The following SI variants were observed in gnomAD, a reference collection of about 807,000 sequenced individuals.
The protein encoded by SI is sucrase-isomaltase, intestinal.
Under a neutral mutation model 253.3 loss-of-function variants are expected in SI, and 235 were observed. The ratio of observed to expected loss-of-function variants is 0.93; its 90% confidence interval spans 0.83 to 1.03. The LOEUF (loss-of-function observed/expected upper bound fraction) is 1.03, where lower values mean the gene tolerates loss of function less well. SI is among the 50% of genes least tolerant of loss of function. The pLI, the probability that SI is intolerant of heterozygous loss-of-function variation, is 0.00. For missense variants in SI, 2,442 were observed against 2,211.1 expected (o/e 1.10, Z -2.09); for synonymous variants, 819 against 712.0 (o/e 1.15, Z -2.39).
At chr3:164,997,405 G>T (rs1576875016) in intron 38 of SI, among the ~76,000 whole-genome samples, 1 of 149,126 alleles carries the variant, frequency 6.7e-6, no homozygotes, top group African/African-American at 2.5e-5. Context: ...TTCTACTATT[G>T]TCACAAATTT....
rs1274683613 is a variant in SI at position 164,979,410 on chromosome 3, G to A, written c.5436C>T (p.Thr1812=). Residue 1812 remains threonine (T), a synonymous_variant, in exon 48 of 48, where the codon ACC becomes ACT. Transcript: ENST00000264382. ...TTNMILRIDL[T]THNVTLEEPI... is the part of the protein sequence containing the mutation. ...GTTCTTCTAGAGTAACATTGTGTGT[G>A]GTCAGATCAATACGTAATATCTAAA... 6.4e-7 allele frequency: 1 copy of A among 1,564,456 alleles called. No homozygotes were observed. Among genetic ancestry groups the A allele is most frequent in the African/African-American group, 1.4e-5 (1 of 73,782 alleles).
At chr3:165,016,329 G>A (rs116686409) in intron 31 of SI, among the ~76,000 whole-genome samples, 1,740 of 151,918 alleles carry the variant, frequency 0.011, 24 homozygotes, top group Middle Eastern at 0.031. Context: ...TTGATTTAGA[G>A]GTAAAAACTG....
intron 5 of SI, among the ~76,000 whole-genome samples, chr3:165,068,373 C>A (rs1000217626): frequency 1.3e-5 from 2 of 152,228 alleles, no homozygotes; most frequent in African/African-American, 4.8e-5. Context: ...TTAATTAATT[C>A]TTTGCCTTGG....
At chr3:165,060,088 C>A in intron 9 of SI, 61 bp from the exon 10 acceptor site, 3 of 1,457,940 alleles carry the variant, frequency 2.1e-6, no homozygotes, top group Admixed American at 1.7e-5. Context: ...GCATTAATAA[C>A]CAAGGTTAAT....
At chr3:165,083,517 G>A in the SI span, among the ~76,000 whole-genome samples, 7 of 151,874 alleles carry the variant, frequency 4.6e-5, no homozygotes, top group Non-Finnish European at 7.4e-5. Flanking sequence ...ACCCTAGATC[G>A]TTCACCTTCT....
intron 9 of SI, among the ~76,000 whole-genome samples, chr3:165,060,708 G>A (rs912265102): frequency 6.7e-6 from 1 of 149,744 alleles, no homozygotes; most frequent in South Asian, 2.1e-4. Context: ...TTTGCACATG[G>A]AAATTTGGAT....
intron 33 of SI, 96 bp from the exon 34 acceptor site, chr3:165,013,138 T>G (rs1428243410): frequency 1.3e-5 from 11 of 815,914 alleles, no homozygotes; most frequent in Non-Finnish European, 2.2e-5. Context: ...AGAGGCTTAT[T>G]ATTAACTCAA....
chr3:165,080,120 CA>C (rs1235307009), upstream of SI, among the ~76,000 whole-genome samples: 1 of 151,960 alleles, frequency 6.6e-6, no homozygotes, highest in Admixed American at 6.6e-5. Context: ...GCAAACTACT[CA>C]GCAATGAAAA....
chr3:165,028,650 C>G (rs1712054436), intron 25 of SI, among the ~76,000 whole-genome samples: 1 of 150,790 alleles, frequency 6.6e-6, no homozygotes, highest in Non-Finnish European at 1.5e-5. Flanking sequence ...TTAGAGCCAC[C>G]TGATCTTCGA....
Position 164,983,278 on chromosome 3 carries a change from G to A in SI, c.5198-227C>T, listed in dbSNP as rs150731201. Among the ~76,000 whole-genome samples the A allele has an allele frequency of 5.5e-3, 831 of 152,252 alleles. 8 individuals carry two copies. Among genetic ancestry groups the A allele is most frequent in the African/African-American group, 0.019 (769 of 41,550 alleles). On this transcript the variant is annotated intron_variant, in intron 45 of 47. Transcript: ENST00000264382. ...GTCCTAAGAGGACAAGCTAGGTGGTGTATGTGTGTGTAGGGGTAATGATAA... is the reference window on the plus strand; with the variant it reads ...GTCCTAAGAGGACAAGCTAGGTGGTATATGTGTGTGTAGGGGTAATGATAA...
intron 22 of SI, 75 bp downstream of exon 22, chr3:165,036,314 T>G: frequency 1.1e-6 from 1 of 949,944 alleles, no homozygotes; most frequent in South Asian, 1.3e-5. Context: ...TAAAAAATGA[T>G]ACAACCTATA....
chr3:165,033,422 G>A lies in SI; in HGVS notation c.2538C>T (p.Tyr846=). 6.4e-7 allele frequency: 1 copy of A among 1,551,070 alleles called. No individual in the cohort carries two copies. The highest frequency in any genetic ancestry group is 8.7e-7 in the Non-Finnish European group (1 of 1,145,202). Reference sequence around the variant, plus strand: ...TAGAAACTGAAAATGTATATAATATGTAGTTGCCATTTTGTATTGTATCTG... The same window carrying A: ...TAGAAACTGAAAATGTATATAATATATAGTTGCCATTTTGTATTGTATCTG... The part of the protein sequence containing the change: ...ETKDTIQNGN[Y]ILYTFSVSNN... Residue 846 remains tyrosine (Y), a synonymous_variant, in exon 23 of 48, where the codon TAC becomes TAT. Transcript: ENST00000264382.
At chr3:165,032,995 C>A (rs1712331754) in intron 23 of SI, among the ~76,000 whole-genome samples, 2 of 151,324 alleles carry the variant, frequency 1.3e-5, no homozygotes, top group Non-Finnish European at 3.0e-5. Flanking sequence ...TATGAAAAAA[C>A]CCAAAATCTA....
At chr3:164,979,716 T>C (rs2108103789) in intron 47 of SI, among the ~76,000 whole-genome samples, 1 of 151,968 alleles carries the variant, frequency 6.6e-6, no homozygotes, top group South Asian at 2.1e-4. Context: ...TCTATGACTT[T>C]ACTCTTTTCA....
chr3:165,007,879 A>T, intron 36 of SI, 32 bp downstream of exon 36: 1 of 1,049,354 alleles, frequency 9.5e-7, no homozygotes. Flanking sequence ...TAATAACATG[A>T]TAATATCAAA....
At chr3:165,041,860 T>G (rs1238226151) in intron 17 of SI, among the ~76,000 whole-genome samples, 1 of 152,080 alleles carries the variant, frequency 6.6e-6, no homozygotes, top group Admixed American at 6.6e-5. Context: ...CTCCCAGCCT[T>G]GAATGAGCAT....
chr3:165,014,026 C>T (rs1038751244), intron 33 of SI, among the ~76,000 whole-genome samples: 1 of 152,118 alleles, frequency 6.6e-6, no homozygotes, highest in African/African-American at 2.4e-5. Context: ...TGTGCCCAGC[C>T]CTGTCTATAT....
intron 18 of SI, 136 bp from the exon 19 acceptor site, chr3:165,040,107 C>A: frequency 1.4e-6 from 1 of 721,944 alleles, no homozygotes; most frequent in South Asian, 1.5e-5. Flanking sequence ...ATGACATTTT[C>A]AATTCATGGT....
upstream of SI, among the ~76,000 whole-genome samples, chr3:165,079,359 C>A (rs2108124902): frequency 6.6e-6 from 1 of 151,574 alleles, no homozygotes; most frequent in African/African-American, 2.4e-5. Flanking sequence ...CCTTGCATAC[C>A]ATCTGGATAC....
Sources: gnomAD v4.1 joint callset for allele counts (sites outside exome capture counted in the v4.1 genomes callset) on GRCh38, gnomAD v4.1.1 for gene constraint, MANE v1.5 for transcripts, NCBI Gene and HGNC (gene_info 2026-07-23, HGNC 2026-07-21) for gene names.